PPP2CA: variants seen among roughly 807,000 people sequenced by gnomAD.
PPP2CA encodes the protein protein phosphatase 2 catalytic subunit alpha.
PPP2CA carries 5 observed loss-of-function variants against 38.8 expected under a neutral mutation model. That is an observed-to-expected ratio of 0.13 (90% confidence interval 0.07 to 0.27). The LOEUF (loss-of-function observed/expected upper bound fraction) is 0.27, where lower values mean the gene tolerates loss of function less well. PPP2CA is among the 10% of genes least tolerant of loss of function. PPP2CA has a pLI of 1.00. For synonymous variants in PPP2CA, 152 were observed against 134.0 expected, an observed-to-expected ratio of 1.13 and a Z score of -0.93; for missense variants, 88 against 389.7, an observed-to-expected ratio of 0.23 and a Z score of 6.52.
chr5:134,198,512 TA>T (rs918067725), intron 6 of PPP2CA, among the ~76,000 whole-genome samples: 22 of 147,374 alleles, frequency 1.5e-4, no homozygotes, highest in Admixed American at 4.1e-4. Context: ...GTAGATCCAT[TA>T]AAAAAAAAAC....
intron 1 of PPP2CA, among the ~76,000 whole-genome samples, chr5:134,219,746 C>A (rs905430438): frequency 3.9e-5 from 6 of 152,182 alleles, no homozygotes; most frequent in African/African-American, 1.4e-4. Context: ...CACAGTGGCT[C>A]ACACCTGTAA....
At chr5:134,213,811 C>G (rs892464391) in intron 1 of PPP2CA, among the ~76,000 whole-genome samples, 1 of 152,114 alleles carries the variant, frequency 6.6e-6, no homozygotes, top group Non-Finnish European at 1.5e-5. Context: ...TGATTACAAC[C>G]ATGTCACAAT....
intron 2 of PPP2CA, 56 bp downstream of exon 2, chr5:134,205,865 CT>C: frequency 6.8e-7 from 1 of 1,468,264 alleles, no homozygotes; most frequent in Non-Finnish European, 9.4e-7. Flanking sequence ...GGAAAAAAAA[CT>C]TTCAAGAGGA....
Position 134,205,010 on chromosome 5 carries a change from T to C in PPP2CA, c.312+912A>G, listed in dbSNP as rs78150124. ...TGTAGGGTGGCAAGATCAAGTCTCA[T>C]TGCAGCCACGACCTCCTGGGCTCAG... On this transcript the variant is annotated intron_variant, in intron 2 of 6. Coordinates refer to ENST00000481195, the MANE Select transcript of PPP2CA (RefSeq NM_002715.4). Among the ~76,000 whole-genome samples the C allele has an allele frequency of 1.4e-3, 204 of 150,680 alleles. 8 individuals carry two copies. In the East Asian group the frequency reaches 0.031, roughly 23 times the overall value.
intron 1 of PPP2CA, among the ~76,000 whole-genome samples, chr5:134,216,203 GATC>G (rs1471933782): frequency 6.6e-6 from 1 of 152,102 alleles, no homozygotes; most frequent in African/African-American, 2.4e-5. Context: ...ACATGAAAGG[GATC>G]ATGATGTAAC....
At chr5:134,204,708 C>A (rs1762040851) in intron 2 of PPP2CA, among the ~76,000 whole-genome samples, 1 of 152,100 alleles carries the variant, frequency 6.6e-6, no homozygotes, top group African/African-American at 2.4e-5. Context: ...TCCTTCCCGC[C>A]TTCCCCAGCC....
At chr5:134,223,046 C>T (rs373132773) in intron 1 of PPP2CA, among the ~76,000 whole-genome samples, 45 of 152,240 alleles carry the variant, frequency 3.0e-4, no homozygotes, top group African/African-American at 9.9e-4. Context: ...TTATGGTATA[C>T]ATCTATTTTT....
intron 1 of PPP2CA, among the ~76,000 whole-genome samples, chr5:134,207,892 C>T (rs1011654688): frequency 6.6e-6 from 1 of 152,148 alleles, no homozygotes; most frequent in Non-Finnish European, 1.5e-5. Flanking sequence ...TTATCAAATC[C>T]TACTTCATTC....
intron 2 of PPP2CA, chr5:134,205,606 C>T: frequency 3.8e-6 from 1 of 265,526 alleles, no homozygotes; most frequent in Non-Finnish European, 7.4e-6. Context: ...TGGTCTCGAA[C>T]TCCTGACCTC....
chr5:134,200,312 A>G (rs752264700), intron 5 of PPP2CA, 23 bp downstream of exon 5: 6 of 1,569,542 alleles, frequency 3.8e-6, no homozygotes, highest in Non-Finnish European at 5.2e-6. Flanking sequence ...AAAACAAGTC[A>G]TATTTCAGAG....
At chr5:134,213,213 A>G (rs1353266519) in intron 1 of PPP2CA, among the ~76,000 whole-genome samples, 1 of 152,212 alleles carries the variant, frequency 6.6e-6, no homozygotes, top group Non-Finnish European at 1.5e-5. Context: ...GTTAGAGGCT[A>G]ATGTAGCTGG....
chr5:134,225,899 C>T lies in PPP2CA; in HGVS notation c.-38G>A. On this transcript the variant is annotated 5_prime_UTR_variant, in exon 1 of 7. Transcript: ENST00000481195. ...CCCAGCCGGCTGCCGCTCCGCGCTG[C>T]TCCCGCGCCGCCGCCCGCACACGGG... 1.9e-6 allele frequency: 3 copies of T among 1,582,096 alleles called. No homozygotes were observed. In the South Asian group the frequency reaches 3.3e-5, roughly 18 times the overall value.
At chr5:134,223,583 T>A (rs1458424281) in intron 1 of PPP2CA, among the ~76,000 whole-genome samples, 1 of 152,216 alleles carries the variant, frequency 6.6e-6, no homozygotes, top group East Asian at 1.9e-4. Flanking sequence ...AAAATTTGCG[T>A]AAGCAGCGCA....
chr5:134,203,093 G>GT lies in PPP2CA; in HGVS notation c.313-1073dup, dbSNP rs979564988. On this transcript the variant is annotated intron_variant, in intron 2 of 6. Coordinates refer to ENST00000481195, the MANE Select transcript of PPP2CA (RefSeq NM_002715.4). ...TCTGTCTTGTTATTGAGCTGTAAAA[G>GT]TTTTTTTTTTTTAAATATCTGAATA... Among the ~76,000 whole-genome samples the GT allele has an allele frequency of 1.3e-3, 189 of 145,716 alleles. 2 individuals carry two copies. Among genetic ancestry groups the GT allele is most frequent in the East Asian group, 0.011 (54 of 5,046 alleles).
intron 5 of PPP2CA, 59 bp downstream of exon 5, chr5:134,200,276 T>C: frequency 6.6e-7 from 1 of 1,515,402 alleles, no homozygotes; most frequent in South Asian, 1.3e-5. Flanking sequence ...AACTCCCTAA[T>C]ATCTTCTTTC....
Position 134,195,603 on chromosome 5 carries a change from G to A in PPP2CA, c.*2169C>T, listed in dbSNP as rs1761831750. The A allele has an allele frequency of 6.6e-6, 1 of 152,118 alleles. No individual in the cohort carries two copies. Among genetic ancestry groups the A allele is most frequent in the African/African-American group, 2.4e-5 (1 of 41,398 alleles). The allele number at this position is 152,118 out of a possible 1,614,324, so 9.4% of individuals were successfully genotyped here. A position where few individuals can be genotyped will look rare whatever the true frequency, so the allele number is the denominator to read the frequency against. ...AATGAAAATCCTAATGTTACTAATT[G>A]AGACATCAGTTAACACCCAACTTAG... On this transcript the variant is annotated 3_prime_UTR_variant, in exon 7 of 7. Coordinates refer to ENST00000481195, the MANE Select transcript of PPP2CA (RefSeq NM_002715.4).
At position 134,195,227 on chromosome 5, in the gene PPP2CA, T is replaced by C. The variant is rs1047144406; in HGVS notation, c.*2545A>G. The C allele has an allele frequency of 2.0e-5, 3 of 152,208 alleles. No individual in the cohort carries two copies. Among genetic ancestry groups the C allele is most frequent in the East Asian group, 1.9e-4 (1 of 5,194 alleles). 9.4% of individuals were successfully genotyped at this position (152,208 alleles called of 1,614,324 possible). On this transcript the variant is annotated 3_prime_UTR_variant, in exon 7 of 7. Coordinates refer to ENST00000481195, the MANE Select transcript of PPP2CA (RefSeq NM_002715.4). The stretch of plus-strand genomic sequence containing the variant: ...CTTACAAAATAAGTTTCAAAATTTC[T>C]GCAAGCCCTCACTATACAAACTCAG...
chr5:134,212,056 T>C (rs976445164), intron 1 of PPP2CA, among the ~76,000 whole-genome samples: 14 of 152,068 alleles, frequency 9.2e-5, no homozygotes, highest in Non-Finnish European at 1.8e-4. Context: ...GGAGGCGAGG[T>C]TGCAGTGAGC....
chr5:134,225,584 G>T, intron 1 of PPP2CA, 176 bp downstream of exon 1: 1 of 518,240 alleles, frequency 1.9e-6, no homozygotes, highest in Non-Finnish European at 3.3e-6. Flanking sequence ...TCCCTGCGCG[G>T]GAGGCAGGGG....
Sources: gnomAD v4.1 joint callset for allele counts (sites outside exome capture counted in the v4.1 genomes callset) on GRCh38, gnomAD v4.1.1 for gene constraint, MANE v1.5 for transcripts, NCBI Gene and HGNC (gene_info 2026-07-23, HGNC 2026-07-21) for gene names.